SPOCK3: variants seen among roughly 807,000 people sequenced by gnomAD.
The protein encoded by SPOCK3 is testican-3.
In SPOCK3, 30 loss-of-function variants were observed where a neutral mutation model predicts 56.6. The ratio of observed to expected loss-of-function variants is 0.53; its 90% confidence interval spans 0.40 to 0.72. SPOCK3 has a LOEUF of 0.72. Among genes scored for constraint, SPOCK3 ranks in the 30% least tolerant of loss-of-function variants. SPOCK3 has a pLI of 0.00. For missense variants in SPOCK3, 527 were observed against 530.0 expected (o/e 0.99, Z 0.06); for synonymous variants, 196 against 183.3 (o/e 1.07, Z -0.56).
intron 3 of SPOCK3, among the ~76,000 whole-genome samples, chr4:167,053,813 C>T (rs971786684): frequency 3.9e-5 from 6 of 152,168 alleles, no homozygotes; most frequent in Non-Finnish European, 1.5e-5. Context: ...AATGAAACCA[C>T]TGAGAAAAGA....
chr4:167,151,776 A>G (rs944510473), intron 2 of SPOCK3, among the ~76,000 whole-genome samples: 4 of 152,182 alleles, frequency 2.6e-5, no homozygotes, highest in Non-Finnish European at 4.4e-5. Flanking sequence ...AGAAGGATAA[A>G]GAGAAAAAGA....
At chr4:167,002,001 C>A (rs1317678795) in intron 3 of SPOCK3, among the ~76,000 whole-genome samples, 8 of 152,118 alleles carry the variant, frequency 5.3e-5, no homozygotes, top group African/African-American at 1.9e-4. Flanking sequence ...CTCTGACGCC[C>A]TGGCTAGAGT....
intron 6 of SPOCK3, among the ~76,000 whole-genome samples, chr4:166,841,069 C>A (rs1002156327): frequency 3.3e-5 from 5 of 151,696 alleles, no homozygotes; most frequent in African/African-American, 9.7e-5. Context: ...TAAGCCCCCA[C>A]GCCCGGCCCG....
intron 4 of SPOCK3, among the ~76,000 whole-genome samples, chr4:166,953,513 G>C (rs1211662537): frequency 2.6e-5 from 4 of 151,838 alleles, no homozygotes; most frequent in Non-Finnish European, 5.9e-5. Context: ...CAACCATTGT[G>C]GAAGTCAGTG....
intron 4 of SPOCK3, among the ~76,000 whole-genome samples, chr4:166,920,113 T>C (rs929325948): frequency 6.6e-6 from 1 of 152,172 alleles, no homozygotes; most frequent in Non-Finnish European, 1.5e-5. Context: ...AAATATGGAC[T>C]TCCAGGGTTA....
intron 7 of SPOCK3, among the ~76,000 whole-genome samples, chr4:166,785,383 A>G (rs992557452): frequency 1.3e-5 from 2 of 152,124 alleles, no homozygotes; most frequent in African/African-American, 4.8e-5. Flanking sequence ...AACTCAAATC[A>G]TTTAGCTATG....
chr4:166,792,179 C>G lies in SPOCK3; in HGVS notation c.700G>C (p.Glu234Gln), dbSNP rs1388684011. Residue 234 changes from glutamate (E) to glutamine (Q), a missense_variant, in exon 7 of 11, where the codon GAG becomes CAG. Glu to Gln is a conservative substitution (Grantham distance 29, BLOSUM62 2). Transcript: ENST00000357545. ...AATTTAGAAATCTTACTGCTTCTCTCAGGCCTCAGCAATGTTTTTGTCTTC... is the reference window on the plus strand; with the variant it reads ...AATTTAGAAATCTTACTGCTTCTCTGAGGCCTCAGCAATGTTTTTGTCTTC... ...NKKTKTLLRPERSRFDTSILP... is the reference protein window; with the variant it reads ...NKKTKTLLRPQRSRFDTSILP... The G allele has an allele frequency of 6.2e-7, 1 of 1,613,700 alleles. No homozygotes were observed. Among genetic ancestry groups the G allele is most frequent in the Non-Finnish European group, 8.5e-7 (1 of 1,179,820 alleles).
chr4:167,136,657 T>C (rs1763146181), intron 2 of SPOCK3, among the ~76,000 whole-genome samples: 1 of 152,160 alleles, frequency 6.6e-6, no homozygotes, highest in Admixed American at 6.6e-5. Flanking sequence ...TTCGAATTGC[T>C]GGAGAGGACC....
At chr4:166,836,999 G>A (rs374431907) in intron 6 of SPOCK3, among the ~76,000 whole-genome samples, 16 of 152,112 alleles carry the variant, frequency 1.1e-4, no homozygotes, top group South Asian at 8.3e-4. Flanking sequence ...GTTCAATCTC[G>A]CTCCCATTGC....
At chr4:167,197,713 C>T (rs989096468) in intron 2 of SPOCK3, among the ~76,000 whole-genome samples, 1 of 152,036 alleles carries the variant, frequency 6.6e-6, no homozygotes, top group African/African-American at 2.4e-5. Flanking sequence ...TTAGCTATTT[C>T]CACTTCCACG....
At chr4:166,755,792 C>T (rs1579131238) in intron 7 of SPOCK3, among the ~76,000 whole-genome samples, 1 of 126,578 alleles carries the variant, frequency 7.9e-6, no homozygotes, top group African/African-American at 3.2e-5. Flanking sequence ...TCTAGTAATA[C>T]AAAATCTATT....
At chr4:167,091,462 A>T (rs1758692863) in intron 2 of SPOCK3, among the ~76,000 whole-genome samples, 1 of 152,176 alleles carries the variant, frequency 6.6e-6, no homozygotes, top group Non-Finnish European at 1.5e-5. Context: ...AATGGTGATA[A>T]TATCAGCAGG....
At chr4:167,014,949 C>A (rs1490439372) in intron 3 of SPOCK3, among the ~76,000 whole-genome samples, 2 of 151,770 alleles carry the variant, frequency 1.3e-5, no homozygotes, top group Non-Finnish European at 2.9e-5. Context: ...GAAAATTACT[C>A]TTTTTTCTAA....
chr4:166,766,185 C>G (rs565649691), intron 7 of SPOCK3, among the ~76,000 whole-genome samples: 1 of 152,254 alleles, frequency 6.6e-6, no homozygotes, highest in Non-Finnish European at 1.5e-5. Flanking sequence ...TTATTTCTTC[C>G]TCCTGCCTGA....
Position 167,207,198 on chromosome 4 carries a change from G to A in SPOCK3, c.189+26787C>T, listed in dbSNP as rs554182545. Among the ~76,000 whole-genome samples the A allele has an allele frequency of 4.6e-5, 7 of 151,982 alleles. No homozygotes were observed. In the East Asian group the frequency reaches 1.4e-3, roughly 29 times the overall value. On this transcript the variant is annotated intron_variant, in intron 2 of 10. Coordinates refer to ENST00000357545, the MANE Select transcript of SPOCK3 (RefSeq NM_001040159.2). The stretch of plus-strand genomic sequence containing the variant: ...TGAGAATGCATAGGTAATAAGTATT[G>A]ACAGATGTGTTGATTTACTGTTTAT...
At chr4:167,230,919 C>A (rs189977418) in intron 2 of SPOCK3, among the ~76,000 whole-genome samples, 6 of 152,196 alleles carry the variant, frequency 3.9e-5, no homozygotes, top group African/African-American at 9.6e-5. Context: ...TGTGTTAACA[C>A]CTACTCATTG....
intron 4 of SPOCK3, among the ~76,000 whole-genome samples, chr4:166,982,985 G>A (rs879858719): frequency 2.6e-5 from 4 of 152,116 alleles, no homozygotes; most frequent in Non-Finnish European, 5.9e-5. Context: ...TATAAGTGGA[G>A]ATCTTGTTAG....
chr4:166,882,171 A>G (rs189454539), intron 6 of SPOCK3, among the ~76,000 whole-genome samples: 11 of 152,310 alleles, frequency 7.2e-5, no homozygotes, highest in Middle Eastern at 3.4e-3. Context: ...CACTTAAGCT[A>G]AGGTCAGCAT....
chr4:166,995,592 TCTAA>T (rs1034047766), intron 4 of SPOCK3, among the ~76,000 whole-genome samples: 2 of 152,002 alleles, frequency 1.3e-5, no homozygotes. Flanking sequence ...TACCTATCTA[TCTAA>T]CTATACCTAT....
Sources: gnomAD v4.1 joint callset for allele counts (sites outside exome capture counted in the v4.1 genomes callset) on GRCh38, gnomAD v4.1.1 for gene constraint, MANE v1.5 for transcripts, NCBI Gene and HGNC (gene_info 2026-07-23, HGNC 2026-07-21) for gene names.